The following CHSY3 variants were observed in gnomAD, a reference collection of about 807,000 sequenced individuals.
CHSY3 encodes the protein chondroitin sulfate synthase 3.
Under a neutral mutation model 67.2 loss-of-function variants are expected in CHSY3, and 35 were observed. That is an observed-to-expected ratio of 0.52 (90% CI 0.40 to 0.69). The LOEUF (loss-of-function observed/expected upper bound fraction) is 0.69, where lower values mean the gene tolerates loss of function less well. CHSY3 is among the 30% of genes least tolerant of loss of function. CHSY3 has a pLI of 0.00. For missense variants in CHSY3, 1,069 were observed against 1,138.5 expected, an observed-to-expected ratio of 0.94 and a Z score of 0.88; for synonymous variants, 474 against 434.7, an observed-to-expected ratio of 1.09 and a Z score of -1.12.
intron 2 of CHSY3, among the ~76,000 whole-genome samples, chr5:129,926,222 G>A (rs73785814): frequency 5.3e-4 from 80 of 152,034 alleles, no homozygotes; most frequent in African/African-American, 1.9e-3. Context: ...TGAAAATTCA[G>A]TTTAGATGGC....
intron 2 of CHSY3, among the ~76,000 whole-genome samples, chr5:130,109,727 A>G: frequency 6.6e-6 from 1 of 151,692 alleles, no homozygotes; most frequent in Admixed American, 6.6e-5. Context: ...TACTTTGAAG[A>G]TGAATATCGG....
rs373278364 is a variant in CHSY3 at position 130,054,793 on chromosome 5, T to C, written c.1087-129436T>C. Among the ~76,000 whole-genome samples, 38 of 152,342 alleles carry C rather than the reference T, an allele frequency of 2.5e-4. No individual in the cohort carries two copies. In the East Asian group the frequency reaches 5.8e-3, roughly 23 times the overall value. ...ATTATATGACTACTGAAACATTTTA[T>C]TGCATTCAGACTCCACTAGTTATGT... On this transcript the variant is annotated intron_variant, in intron 2 of 2. Coordinates refer to ENST00000305031, the MANE Select transcript of CHSY3 (RefSeq NM_175856.5).
At chr5:129,931,736 A>G (rs1435765864) in intron 2 of CHSY3, among the ~76,000 whole-genome samples, 1 of 152,078 alleles carries the variant, frequency 6.6e-6, no homozygotes, top group Non-Finnish European at 1.5e-5. Context: ...GATTTCAGAC[A>G]CTTTTTAAGT....
chr5:130,149,540 T>G (rs1307069764), intron 2 of CHSY3, among the ~76,000 whole-genome samples: 1 of 151,926 alleles, frequency 6.6e-6, no homozygotes, highest in Admixed American at 6.6e-5. Flanking sequence ...CATAAGGGGG[T>G]CCGCCCCCAT....
intron 2 of CHSY3, among the ~76,000 whole-genome samples, chr5:129,977,831 T>C (rs907235400): frequency 1.3e-5 from 2 of 151,832 alleles, no homozygotes; most frequent in Non-Finnish European, 2.9e-5. Context: ...TTTCCAGATT[T>C]TGACTTGCTC....
chr5:129,926,157 G>A (rs900500792), intron 2 of CHSY3, among the ~76,000 whole-genome samples: 35 of 151,940 alleles, frequency 2.3e-4, no homozygotes, highest in Admixed American at 2.0e-4. Context: ...ATATAGCATG[G>A]AACTTGATCA....
chr5:129,988,732 T>G (rs996700196), intron 2 of CHSY3, among the ~76,000 whole-genome samples: 1 of 152,072 alleles, frequency 6.6e-6, no homozygotes, highest in African/African-American at 2.4e-5. Flanking sequence ...GATATAATCA[T>G]GTGAAGCTGC....
chr5:130,122,967 G>A (rs1768099925), intron 2 of CHSY3, among the ~76,000 whole-genome samples: 1 of 151,824 alleles, frequency 6.6e-6, no homozygotes, highest in South Asian at 2.1e-4. Flanking sequence ...AGTGATACTA[G>A]GTATTTCTCA....
At chr5:130,116,893 G>A (rs185670028) in intron 2 of CHSY3, among the ~76,000 whole-genome samples, 35 of 151,008 alleles carry the variant, frequency 2.3e-4, no homozygotes, top group African/African-American at 7.3e-4. Flanking sequence ...ATAAGTTATT[G>A]CAATAGAAAG....
At chr5:130,083,816 G>A (rs1580716430) in intron 2 of CHSY3, among the ~76,000 whole-genome samples, 5 of 151,668 alleles carry the variant, frequency 3.3e-5, no homozygotes, top group Admixed American at 3.3e-4. Context: ...TTTTCTGTAT[G>A]GAAATACCTC....
intron 2 of CHSY3, among the ~76,000 whole-genome samples, chr5:130,130,863 C>T (rs552126871): frequency 5.7e-4 from 87 of 152,266 alleles, no homozygotes; most frequent in African/African-American, 1.4e-3. Flanking sequence ...TTCCCTGTAT[C>T]ATGTTTCCTG....
chr5:129,949,401 T>C (rs1346351491), intron 2 of CHSY3, among the ~76,000 whole-genome samples: 1 of 151,886 alleles, frequency 6.6e-6, no homozygotes, highest in Non-Finnish European at 1.5e-5. Context: ...AAATCAATAA[T>C]AAATAGAAAA....
At chr5:130,148,765 T>A (rs184699334) in intron 2 of CHSY3, among the ~76,000 whole-genome samples, 17 of 152,266 alleles carry the variant, frequency 1.1e-4, no homozygotes, top group Admixed American at 1.1e-3. Context: ...TTATTGTAAA[T>A]TTGTTTAAGT....
At chr5:129,983,440 GA>G (rs1378595447) in intron 2 of CHSY3, among the ~76,000 whole-genome samples, 1 of 151,934 alleles carries the variant, frequency 6.6e-6, no homozygotes, top group Non-Finnish European at 1.5e-5. Context: ...TACTTATTAT[GA>G]AATAAAATGT....
At chr5:130,118,014 T>C (rs886506301) in intron 2 of CHSY3, among the ~76,000 whole-genome samples, 2 of 152,104 alleles carry the variant, frequency 1.3e-5, no homozygotes, top group African/African-American at 2.4e-5. Flanking sequence ...TGAGATCTGG[T>C]TGTTTAAAAG....
intron 2 of CHSY3, among the ~76,000 whole-genome samples, chr5:130,027,309 G>C (rs901440761): frequency 6.6e-6 from 1 of 152,078 alleles, no homozygotes; most frequent in East Asian, 1.9e-4. Context: ...ATATAGCTAG[G>C]AGGAAGAATA....
chr5:130,179,737 T>G (rs1424977345), intron 2 of CHSY3, among the ~76,000 whole-genome samples: 1 of 152,102 alleles, frequency 6.6e-6, no homozygotes, highest in Non-Finnish European at 1.5e-5. Context: ...TAATTTTTTT[T>G]TTTTATACTT....
chr5:130,130,822 G>A (rs982155501), intron 2 of CHSY3, among the ~76,000 whole-genome samples: 2 of 152,114 alleles, frequency 1.3e-5, no homozygotes, highest in Non-Finnish European at 2.9e-5. Context: ...TGAACCACTT[G>A]TAGCAGAAAT....
At chr5:130,166,200 T>A (rs1219388460) in intron 2 of CHSY3, among the ~76,000 whole-genome samples, 1 of 152,164 alleles carries the variant, frequency 6.6e-6, no homozygotes, top group African/African-American at 2.4e-5. Flanking sequence ...GAATTAAAAA[T>A]AATTCATTTA....
Sources: gnomAD v4.1 joint callset for allele counts (sites outside exome capture counted in the v4.1 genomes callset) on GRCh38, gnomAD v4.1.1 for gene constraint, MANE v1.5 for transcripts, NCBI Gene and HGNC (gene_info 2026-07-23, HGNC 2026-07-21) for gene names.